USP3: variants seen among roughly 807,000 people sequenced by gnomAD.
USP3 encodes the protein ubiquitin specific peptidase 3, also known as ubiquitin carboxyl-terminal hydrolase 3.
USP3 carries 20 observed loss-of-function variants against 72.3 expected under a neutral mutation model. That is an observed-to-expected ratio of 0.28 (90% confidence interval 0.19 to 0.40). USP3 has a LOEUF of 0.40. Among genes scored for constraint, USP3 ranks in the 10% least tolerant of loss-of-function variants. The probability of loss-of-function intolerance (pLI) is 1.00; values close to 1 mark genes in which losing one functional copy is unlikely to be tolerated. For synonymous variants in USP3, 222 were observed against 225.3 expected (o/e 0.99, Z 0.13); for missense variants, 479 against 633.9 (o/e 0.76, Z 2.62).
At chr15:63,590,208 G>C (rs1167988605) in intron 14 of USP3, among the ~76,000 whole-genome samples, 1 of 152,172 alleles carries the variant, frequency 6.6e-6, no homozygotes, top group Non-Finnish European at 1.5e-5. Flanking sequence ...ACAAAGGTCT[G>C]TTCTAGCTGC....
At chr15:63,550,270 G>C (rs916971965) in intron 3 of USP3, among the ~76,000 whole-genome samples, 1 of 152,152 alleles carries the variant, frequency 6.6e-6, no homozygotes, top group Non-Finnish European at 1.5e-5. Context: ...CACCCAGCTC[G>C]GCCTCCCAAA....
chr15:63,559,822 C>G, intron 6 of USP3, 35 bp from the exon 7 acceptor site: 1 of 1,555,672 alleles, frequency 6.4e-7, no homozygotes. Context: ...CTATTCTTTT[C>G]TTTTTAAAAT....
At chr15:63,525,156 A>T (rs559573305) in intron 1 of USP3, among the ~76,000 whole-genome samples, 1 of 152,334 alleles carries the variant, frequency 6.6e-6, no homozygotes, top group East Asian at 1.9e-4. Flanking sequence ...GGGAAAGTGG[A>T]AAGGCAACCA....
chr15:63,526,103 T>C (rs2065977747), intron 1 of USP3, among the ~76,000 whole-genome samples: 1 of 152,216 alleles, frequency 6.6e-6, no homozygotes, highest in Non-Finnish European at 1.5e-5. Flanking sequence ...TAATGCTGTT[T>C]GAAAAACTTT....
rs893003631 is a variant in USP3 at position 63,561,517 on chromosome 15, G to A, written c.648-1378G>A. On this transcript the variant is annotated intron_variant, in intron 7 of 14. Transcript: ENST00000380324. ...AGCACTGCTGGAGATGGGTGCTGGC[G>A]GACACAGCCATGCTGCTGCCCTGCA... Among the ~76,000 whole-genome samples, 106 of 152,308 alleles carry A rather than the reference G, an allele frequency of 7.0e-4. 1 individual carries two copies. The highest frequency in any genetic ancestry group is 2.5e-3 in the African/African-American group (104 of 41,568).
chr15:63,552,311 C>T (rs540595288), intron 3 of USP3, among the ~76,000 whole-genome samples: 4 of 152,220 alleles, frequency 2.6e-5, no homozygotes, highest in Non-Finnish European at 5.9e-5. Context: ...ATGCCCTAAG[C>T]CCAAATTTAC....
At chr15:63,575,158 G>GTTTTTTTT (rs11321018) in intron 11 of USP3, among the ~76,000 whole-genome samples, 1 of 121,494 alleles carries the variant, frequency 8.2e-6, no homozygotes, top group Non-Finnish European at 1.7e-5. Flanking sequence ...TGTCATGATG[G>GTTTTTTTT]TTTTTTTTTT....
At chr15:63,543,738 CT>C (rs2066279595) in intron 3 of USP3, among the ~76,000 whole-genome samples, 1 of 152,176 alleles carries the variant, frequency 6.6e-6, no homozygotes, top group African/African-American at 2.4e-5. Flanking sequence ...CATTTTCCTA[CT>C]CTGTGCTCAT....
intron 11 of USP3, among the ~76,000 whole-genome samples, chr15:63,583,706 CTCATA>C (rs1256744017): frequency 6.6e-6 from 1 of 152,116 alleles, no homozygotes; most frequent in East Asian, 1.9e-4. Context: ...TTCTAGGCAC[CTCATA>C]TAAGTGGAAT....
At chr15:63,587,393 CA>C (rs2067091460) in intron 11 of USP3, among the ~76,000 whole-genome samples, 1 of 152,140 alleles carries the variant, frequency 6.6e-6, no homozygotes, top group South Asian at 2.1e-4. Flanking sequence ...GGAATTGGCA[CA>C]GGGGCCAAAG....
intron 1 of USP3, among the ~76,000 whole-genome samples, chr15:63,518,893 G>C (rs2065883741): frequency 6.6e-6 from 1 of 152,058 alleles, no homozygotes; most frequent in Admixed American, 6.5e-5. Flanking sequence ...AGCCTCCTGA[G>C]TAGCTGGGAC....
chr15:63,556,426 C>G (rs912646631), intron 4 of USP3: 2 of 358,942 alleles, frequency 5.6e-6, no homozygotes, highest in Admixed American at 4.4e-5. Flanking sequence ...GCTGCATCTT[C>G]CCGGCCAGCT....
Position 63,553,593 on chromosome 15 carries a change from C to T in USP3, c.285-122C>T. ...AATTCCAGGTCCTCTTTAAACTTAC[C>T]ACCAGCAGTAACTGCCTGCAGAGCC... On this transcript the variant is annotated intron_variant, in intron 3 of 14. Transcript: ENST00000380324. This position sits in a 1 kb window ranked among gnomAD's most constrained non-coding sequence, Gnocchi z 4.2. 2 of 748,018 alleles carry T rather than the reference C, an allele frequency of 2.7e-6. No individual in the cohort carries two copies. The highest frequency in any genetic ancestry group is 3.9e-6 in the Non-Finnish European group (2 of 510,116). The allele number at this position is 748,018 out of a possible 1,614,324, so 46.3% of individuals were successfully genotyped here. A position where few individuals can be genotyped will look rare whatever the true frequency, so the allele number is the denominator to read the frequency against.
intron 2 of USP3, among the ~76,000 whole-genome samples, chr15:63,535,820 G>A (rs1252032279): frequency 1.3e-5 from 2 of 152,190 alleles, no homozygotes; most frequent in Admixed American, 1.3e-4. Flanking sequence ...TCCTGGTGCA[G>A]TTAAGGTGCC....
At chr15:63,522,812 A>G (rs1054458444) in intron 1 of USP3, among the ~76,000 whole-genome samples, 6 of 152,246 alleles carry the variant, frequency 3.9e-5, no homozygotes, top group African/African-American at 1.4e-4. Flanking sequence ...ATTCATTGCT[A>G]TACTGATAAT....
rs1053027438 is a variant in USP3, at chr15:63,537,219, C to A, written c.284+63C>A. On this transcript the variant is annotated intron_variant, in intron 3 of 14. Coordinates refer to ENST00000380324, the MANE Select transcript of USP3 (RefSeq NM_006537.4). ...TGTGCAAGTGTGCTCTCCTCCCCTCCCTTCCCTCAGTCTCTAAGCCAGTTA... is the reference window on the plus strand; with the variant it reads ...TGTGCAAGTGTGCTCTCCTCCCCTCACTTCCCTCAGTCTCTAAGCCAGTTA... 5.2e-6 allele frequency: 8 copies of A among 1,543,102 alleles called. No homozygotes were observed. The East Asian group carries it at 1.9e-4, about 36-fold the overall frequency.
chr15:63,532,095 C>A (rs2066084945), intron 1 of USP3, among the ~76,000 whole-genome samples: 1 of 152,154 alleles, frequency 6.6e-6, no homozygotes, highest in Non-Finnish European at 1.5e-5. Flanking sequence ...CAACTAAAAT[C>A]ATTAATGTCT....
chr15:63,534,220 G>C lies in USP3; in HGVS notation c.152+1513G>C, dbSNP rs148452375. 2.2e-3 allele frequency among the ~76,000 whole-genome samples: 336 copies of C among 152,268 alleles called. 1 individual carries two copies. The highest frequency in any genetic ancestry group is 7.8e-3 in the African/African-American group (323 of 41,572). ...GAAAATTCAGAATAGCCTGAATTTG[G>C]ATCTCCATTTTACATAGCTGATTGG... is the stretch of plus-strand genomic sequence containing the variant. On this transcript the variant is annotated intron_variant, in intron 2 of 14. Transcript: ENST00000380324.
intron 11 of USP3, among the ~76,000 whole-genome samples, chr15:63,583,808 TC>T (rs1433659564): frequency 6.6e-6 from 1 of 152,248 alleles, no homozygotes; most frequent in African/African-American, 2.4e-5. Flanking sequence ...AGAATTTACT[TC>T]CTTTTTGAGG....
Sources: gnomAD v4.1 joint callset for allele counts (sites outside exome capture counted in the v4.1 genomes callset) on GRCh38, gnomAD v4.1.1 for gene constraint, Gnocchi (gnomAD v3.1) non-coding constraint, MANE v1.5 for transcripts, NCBI Gene and HGNC (gene_info 2026-07-23, HGNC 2026-07-21) for gene names.